CABCOCO1: variants seen among roughly 807,000 people sequenced by gnomAD.
CABCOCO1 encodes ciliary associated calcium binding coiled-coil 1.
In CABCOCO1, 28 loss-of-function variants were observed where a neutral mutation model predicts 35.7. The ratio of observed to expected loss-of-function variants is 0.78; its 90% CI spans 0.58 to 1.07. The LOEUF (loss-of-function observed/expected upper bound fraction) is 1.07. CABCOCO1 is among the 50% of genes least tolerant of loss of function. The pLI, the probability that CABCOCO1 is intolerant of heterozygous loss-of-function variation, is 0.00. For missense variants in CABCOCO1, 326 were observed against 309.2 expected (o/e 1.05, Z -0.41); for synonymous variants, 95 against 100.1 (o/e 0.95, Z 0.30).
At chr10:61,672,793 A>G (rs1004996915) in intron 2 of CABCOCO1, 58 bp downstream of exon 2, 2 of 931,952 alleles carry the variant, frequency 2.1e-6, no homozygotes, top group African/African-American at 3.6e-5. Flanking sequence ...CTGCATCTGT[A>G]AATGATTGTG....
At chr10:61,723,223 CTG>C (rs1464264625) in intron 5 of CABCOCO1, among the ~76,000 whole-genome samples, 3 of 152,160 alleles carry the variant, frequency 2.0e-5, no homozygotes, top group Admixed American at 6.5e-5. Flanking sequence ...GAAGAAAAAA[CTG>C]TTACAATTTT....
chr10:61,676,184 C>G (rs925746516), intron 2 of CABCOCO1, among the ~76,000 whole-genome samples: 1 of 152,034 alleles, frequency 6.6e-6, no homozygotes, highest in Non-Finnish European at 1.5e-5. Flanking sequence ...ATAGTGGCAA[C>G]AAGACATTGC....
Position 61,761,018 on chromosome 10 carries a change from T to C in CABCOCO1, c.816+15T>C, listed in dbSNP as rs748358442. 9 of 1,610,294 alleles carry C rather than the reference T, an allele frequency of 5.6e-6. No homozygotes were observed. The highest frequency in any genetic ancestry group is 4.4e-5 in the South Asian group (4 of 90,844). ...TCGGCATTCAGGTACTCAGTATTGA[T>C]AGTATGCTCACTTACTTTATTACTG... On this transcript the variant is annotated intron_variant, in intron 7 of 7. Coordinates refer to ENST00000648843, the MANE Select transcript of CABCOCO1 (RefSeq NM_001366906.2).
At chr10:61,690,764 A>C in intron 5 of CABCOCO1, 143 bp downstream of exon 5, 1 of 545,138 alleles carries the variant, frequency 1.8e-6, no homozygotes, top group African/African-American at 1.9e-5. Context: ...TTGCAAAAAG[A>C]ATAATTATAT....
At chr10:61,755,060 T>TA (rs1255712560) in intron 5 of CABCOCO1, among the ~76,000 whole-genome samples, 1 of 152,194 alleles carries the variant, frequency 6.6e-6, no homozygotes, top group Non-Finnish European at 1.5e-5. Context: ...GCAGAATTGA[T>TA]ATTCTACATT....
chr10:61,706,121 C>T lies in CABCOCO1; in HGVS notation c.552+15500C>T, dbSNP rs556488905. ...AAGGATGATATAAATAATAGTGTAA[C>T]GAAGTTACTTTATTCTTTTACAACC... On this transcript the variant is annotated intron_variant, in intron 5 of 7. Transcript: ENST00000648843. Among the ~76,000 whole-genome samples the T allele has an allele frequency of 1.6e-4, 24 of 152,222 alleles. No individual in the cohort carries two copies. In the South Asian group the frequency reaches 3.7e-3, roughly 24 times the overall value.
intron 5 of CABCOCO1, among the ~76,000 whole-genome samples, chr10:61,707,150 A>C (rs1840612895): frequency 6.6e-6 from 1 of 152,180 alleles, no homozygotes; most frequent in African/African-American, 2.4e-5. Context: ...GGGCAGGAGT[A>C]GGTGTAGGGA....
chr10:61,739,680 A>AGT (rs751430467), intron 5 of CABCOCO1, among the ~76,000 whole-genome samples: 236 of 152,290 alleles, frequency 1.5e-3, no homozygotes, highest in Non-Finnish European at 2.7e-3. Flanking sequence ...GGCTGGGTGC[A>AGT]GTGGCTCATG....
intron 7 of CABCOCO1, among the ~76,000 whole-genome samples, chr10:61,764,228 C>T (rs563211178): frequency 2.0e-5 from 3 of 152,134 alleles, no homozygotes; most frequent in South Asian, 2.1e-4. Context: ...TGGGAAGAAT[C>T]GATTGTTTGA....
At chr10:61,759,970 G>A (rs1490820155) in intron 5 of CABCOCO1, 89 bp from the exon 6 acceptor site, 2 of 1,486,520 alleles carry the variant, frequency 1.3e-6, no homozygotes, top group African/African-American at 2.8e-5. Flanking sequence ...AACAGACTTG[G>A]AACTATGGTA....
At position 61,686,065 on chromosome 10, in the gene CABCOCO1, G is replaced by T; in HGVS notation, c.359G>T (p.Ser120Ile). Reference protein sequence around the residue: ...LKTLHMSLEESIKWLGEVMAE... With the variant: ...LKTLHMSLEEIIKWLGEVMAE... ...GCACTACATATGTCCTTAGAGGAAAGCATAAAATGGCTTGGAGAAGTTATG... is the reference window on the plus strand; with the variant it reads ...GCACTACATATGTCCTTAGAGGAAATCATAAAATGGCTTGGAGAAGTTATG... Residue 120 changes from serine (S) to isoleucine (I), a missense_variant, in exon 4 of 8, where the codon AGC (serine) becomes ATC (isoleucine). By Grantham distance (142) the Ser-to-Ile change is moderately radical. Transcript: ENST00000648843. 2.5e-6 allele frequency: 4 copies of T among 1,606,300 alleles called. No homozygotes were observed. Among genetic ancestry groups the T allele is most frequent in the Non-Finnish European group, 3.4e-6 (4 of 1,178,010 alleles).
At chr10:61,738,641 A>C (rs1349828042) in intron 5 of CABCOCO1, among the ~76,000 whole-genome samples, 7 of 152,236 alleles carry the variant, frequency 4.6e-5, no homozygotes, top group African/African-American at 1.4e-4. Context: ...TTCTCAAAAA[A>C]ATATGTTGTC....
chr10:61,721,279 A>G (rs1468134841), intron 5 of CABCOCO1, among the ~76,000 whole-genome samples: 2 of 151,832 alleles, frequency 1.3e-5, no homozygotes, highest in African/African-American at 2.4e-5. Context: ...TTAAAGTTAA[A>G]CTTGCCCATT....
chr10:61,680,555 A>ATATGTTATATTATGTTATATATAACAT (rs1491468579), intron 2 of CABCOCO1, among the ~76,000 whole-genome samples: 4 of 19,126 alleles, frequency 2.1e-4, no homozygotes, highest in African/African-American at 7.2e-4. Context: ...TATAACATAT[A>ATATGTTATATTATGTTATATATAACAT]ATATATATTT....
chr10:61,671,070 T>C (rs1245567951), intron 1 of CABCOCO1, among the ~76,000 whole-genome samples: 1 of 152,226 alleles, frequency 6.6e-6, no homozygotes, highest in African/African-American at 2.4e-5. Context: ...CCCACGCCTG[T>C]AATCCCATCA....
chr10:61,751,560 A>C (rs771895495), intron 5 of CABCOCO1, among the ~76,000 whole-genome samples: 12 of 152,162 alleles, frequency 7.9e-5, no homozygotes, highest in Non-Finnish European at 1.5e-4. Context: ...TAATTAAGGA[A>C]AAATAAATGG....
intron 5 of CABCOCO1, among the ~76,000 whole-genome samples, chr10:61,714,400 T>C (rs1483777320): frequency 2.6e-5 from 4 of 152,182 alleles, no homozygotes; most frequent in Non-Finnish European, 5.9e-5. Flanking sequence ...TTCTTCTCTC[T>C]TTTCTTCTTT....
intron 5 of CABCOCO1, among the ~76,000 whole-genome samples, chr10:61,707,751 G>A (rs537615062): frequency 6.6e-6 from 1 of 152,088 alleles, no homozygotes; most frequent in East Asian, 1.9e-4. Flanking sequence ...TTTTTTTAAA[G>A]AAATCTCCTG....
intron 5 of CABCOCO1, among the ~76,000 whole-genome samples, chr10:61,733,112 T>G (rs2132056661): frequency 6.6e-6 from 1 of 152,182 alleles, no homozygotes; most frequent in South Asian, 2.1e-4. Flanking sequence ...CTAATACCAT[T>G]TACATATGCT....
Sources: gnomAD v4.1 joint callset for allele counts (sites outside exome capture counted in the v4.1 genomes callset) on GRCh38, gnomAD v4.1.1 for gene constraint, MANE v1.5 for transcripts, NCBI Gene and HGNC (gene_info 2026-07-23, HGNC 2026-07-21) for gene names.